Variants in SEC31A observed in about 807,000 individuals in gnomAD.
SEC31A encodes protein transport protein Sec31A.
In SEC31A, 70 loss-of-function variants were observed where a neutral mutation model predicts 151.0. The ratio of observed to expected loss-of-function variants is 0.46; its 90% CI spans 0.38 to 0.57. SEC31A has a LOEUF of 0.57. Among genes scored for constraint, SEC31A ranks in the 20% least tolerant of loss-of-function variants. SEC31A has a pLI of 0.00. For missense variants in SEC31A, 1,330 were observed against 1,471.2 expected, an observed-to-expected ratio of 0.90 and a Z score of 1.57; for synonymous variants, 475 against 505.9, an observed-to-expected ratio of 0.94 and a Z score of 0.82.
chr4:82,824,769 T>G, intron 24 of SEC31A, 95 bp from the exon 25 acceptor site: 1 of 1,364,638 alleles, frequency 7.3e-7, no homozygotes, highest in Non-Finnish European at 1.0e-6. Context: ...ACCGACAACC[T>G]TGTACATAGA....
intron 23 of SEC31A, among the ~76,000 whole-genome samples, chr4:82,828,693 A>AAAAAAAAAAAAAAAAC (rs1725202123): frequency 6.6e-6 from 1 of 151,000 alleles, no homozygotes; most frequent in Non-Finnish European, 1.5e-5. Context: ...AAAAAAAAAA[A>AAAAAAAAAAAAAAAAC]AAAAGAAAGC....
Position 82,848,967 on chromosome 4 carries a change from A to T in SEC31A, c.2339T>A (p.Met780Lys), listed in dbSNP as rs770928244. 3 of 1,613,126 alleles carry T rather than the reference A, an allele frequency of 1.9e-6. No individual in the cohort carries two copies. The African/African-American group carries it at 4.0e-5, about 22-fold the overall frequency. ...LPDNTNQPNI[M>K]QLRDRLCRAQ... ...TCTACAAAGTCTGTCACGAAGCTGCATGATATTTGGCTAAAAAGGATTGGA... is the reference window on the plus strand; with the variant it reads ...TCTACAAAGTCTGTCACGAAGCTGCTTGATATTTGGCTAAAAAGGATTGGA... The change falls in exon 20 of 27, where the codon ATG (methionine) becomes AAG (lysine). Residue 780 changes from methionine (M) to lysine (K), a missense_variant. By Grantham distance (95) the Met-to-Lys change is moderately conservative. Transcript: ENST00000395310.
At chr4:82,855,568 A>C (rs1000156313) in intron 16 of SEC31A, among the ~76,000 whole-genome samples, 5 of 152,244 alleles carry the variant, frequency 3.3e-5, no homozygotes, top group African/African-American at 1.2e-4. Flanking sequence ...ATTTCAATAA[A>C]AATTACTTTT....
Position 82,891,125 on chromosome 4 carries a change from G to A in SEC31A, c.-42C>T, listed in dbSNP as rs1375939152. ...TTCGGCAGCCGGATCCTGCGTTAGT[G>A]CAGCGCTCGTCGGACTCTCCCAGCA... is the stretch of plus-strand genomic sequence containing the variant. On this transcript the variant is annotated 5_prime_UTR_variant, in exon 1 of 27. Transcript: ENST00000395310. 1.3e-6 allele frequency: 2 copies of A among 1,535,836 alleles called. No homozygotes were observed. The highest frequency in any genetic ancestry group is 2.4e-5 in the East Asian group (1 of 40,912).
intron 10 of SEC31A, 29 bp from the exon 11 acceptor site, chr4:82,864,627 T>G (rs780994477): frequency 1.3e-6 from 2 of 1,598,938 alleles, no homozygotes; most frequent in South Asian, 2.2e-5. Flanking sequence ...ACAAACTCAG[T>G]GTTAACCCAA....
At chr4:82,840,554 A>G (rs577298975) in intron 22 of SEC31A, among the ~76,000 whole-genome samples, 1 of 152,326 alleles carries the variant, frequency 6.6e-6, no homozygotes, top group South Asian at 2.1e-4. Context: ...AATATTATAC[A>G]GTCATGTGTC....
intron 22 of SEC31A, among the ~76,000 whole-genome samples, chr4:82,830,214 A>T (rs1578133526): frequency 6.6e-6 from 1 of 152,262 alleles, no homozygotes; most frequent in East Asian, 1.9e-4. Context: ...CTGTAATTCC[A>T]GCACTTTGGG....
At chr4:82,876,366 T>C (rs1033513426) in intron 4 of SEC31A, among the ~76,000 whole-genome samples, 2 of 152,156 alleles carry the variant, frequency 1.3e-5, no homozygotes, top group Admixed American at 1.3e-4. Context: ...TGCCTCGGCC[T>C]CCCAAAGTGC....
chr4:82,837,103 A>C (rs564877624), intron 22 of SEC31A, among the ~76,000 whole-genome samples: 40 of 142,326 alleles, frequency 2.8e-4, no homozygotes, highest in African/African-American at 9.9e-4. Context: ...AAACAATATA[A>C]ATGTACTTAA....
chr4:82,872,243 A>G (rs1255830339), intron 6 of SEC31A, among the ~76,000 whole-genome samples, 157 bp from the exon 7 acceptor site: 1 of 152,228 alleles, frequency 6.6e-6, no homozygotes, highest in East Asian at 1.9e-4. Flanking sequence ...GCTGGAGTGC[A>G]GTAGCGCCAT....
At position 82,851,611 on chromosome 4, in the gene SEC31A, G is replaced by GA. The variant is rs1268986298; in HGVS notation, c.2155-8dup. ...CAACTTTCTCAATCAGATCCTAAATGAAAAAAATGAGTAACAAACAGAAAT... is the reference window on the plus strand; with the variant it reads ...CAACTTTCTCAATCAGATCCTAAATGAAAAAAAATGAGTAACAAACAGAAAT... On this transcript the variant is annotated splice_polypyrimidine_tract_variant and splice_region_variant and intron_variant, in intron 18 of 26. Coordinates refer to ENST00000395310, the MANE Select transcript of SEC31A (RefSeq NM_001077207.4). 1.9e-6 allele frequency: 3 copies of GA among 1,593,292 alleles called. No homozygotes were observed. Among genetic ancestry groups the GA allele is most frequent in the East Asian group, 4.5e-5 (2 of 44,482 alleles).
At chr4:82,845,857 C>T (rs972781909) in intron 20 of SEC31A, among the ~76,000 whole-genome samples, 4 of 152,078 alleles carry the variant, frequency 2.6e-5, no homozygotes, top group Non-Finnish European at 4.4e-5. Context: ...AATCCCCACC[C>T]TTTATTGCTG....
In SEC31A at chr4:82,822,371, G is replaced by C. The variant is rs190389241; in HGVS notation, c.3412-1263C>G. Reference sequence around the variant, plus strand: ...TGATGGCTAATGGGACATGTGAGCAGAGGCCTTGAACTTGGGAGGAAACAA... The same window carrying C: ...TGATGGCTAATGGGACATGTGAGCACAGGCCTTGAACTTGGGAGGAAACAA... On this transcript the variant is annotated intron_variant, in intron 25 of 26. Coordinates refer to ENST00000395310, the MANE Select transcript of SEC31A (RefSeq NM_001077207.4). Among the ~76,000 whole-genome samples the C allele has an allele frequency of 1.4e-4, 21 of 152,352 alleles. No individual in the cohort carries two copies. The East Asian group carries it at 3.3e-3, about 24-fold the overall frequency.
chr4:82,834,726 TA>T (rs1726811012), intron 22 of SEC31A, among the ~76,000 whole-genome samples: 1 of 152,222 alleles, frequency 6.6e-6, no homozygotes, highest in Non-Finnish European at 1.5e-5. Context: ...ACAGTCCTTT[TA>T]TTAATTTAAT....
chr4:82,847,381 G>A (rs182301216), intron 20 of SEC31A, among the ~76,000 whole-genome samples: 27 of 152,274 alleles, frequency 1.8e-4, no homozygotes, highest in Admixed American at 5.9e-4. Flanking sequence ...CTTTATTTAC[G>A]ATTCACTTTG....
intron 2 of SEC31A, 63 bp from the exon 3 acceptor site, chr4:82,880,985 A>C (rs908798144): frequency 2.8e-6 from 4 of 1,404,132 alleles, no homozygotes; most frequent in Non-Finnish European, 3.9e-6. Flanking sequence ...AAACCATACA[A>C]AACAGAAGTT....
At chr4:82,832,958 G>A (rs1319125149) in intron 22 of SEC31A, among the ~76,000 whole-genome samples, 1 of 152,208 alleles carries the variant, frequency 6.6e-6, no homozygotes, top group African/African-American at 2.4e-5. Context: ...CTGTTGGTGG[G>A]AGTGTAAATT....
chr4:82,837,269 A>G (rs1201578820), intron 22 of SEC31A, among the ~76,000 whole-genome samples: 2 of 147,490 alleles, frequency 1.4e-5, no homozygotes, highest in African/African-American at 5.0e-5. Flanking sequence ...GTCTGTATGA[A>G]GGGAATAAAT....
At chr4:82,896,823 G>A (rs929803936) in intron 3 of SEC31A, among the ~76,000 whole-genome samples, 4 of 152,126 alleles carry the variant, frequency 2.6e-5, no homozygotes, top group Non-Finnish European at 5.9e-5. Flanking sequence ...ATGGAGTAAA[G>A]GTACAGATGT....
Sources: allele counts gnomAD v4.1 joint callset (sites outside exome capture counted in the v4.1 genomes callset), GRCh38; gene constraint gnomAD v4.1.1; transcripts MANE v1.5; gene names NCBI Gene and HGNC (gene_info 2026-07-23, HGNC 2026-07-21).